Variants in IL7 observed in about 807,000 individuals in gnomAD.
The protein encoded by IL7 is interleukin-7.
A neutral mutation model predicts 21.6 loss-of-function variants in IL7; 3 were observed. The observed-to-expected ratio is 0.14, with a 90% CI of 0.06 to 0.36. IL7 has a LOEUF of 0.36. IL7 is among the 10% of genes least tolerant of loss of function. The pLI, the probability that IL7 is intolerant of heterozygous loss-of-function variation, is 1.00. For missense variants in IL7, 175 were observed against 200.2 expected (o/e 0.87, Z 0.76); for synonymous variants, 62 against 68.1 (o/e 0.91, Z 0.44).
chr8:78,791,827 T>C (rs1011712202), intron 2 of IL7, among the ~76,000 whole-genome samples: 9 of 152,132 alleles, frequency 5.9e-5, no homozygotes, highest in African/African-American at 2.2e-4. Context: ...CACTGGACCA[T>C]ACTTACTAGT....
chr8:78,678,770 A>G, intron 4 of IL7: 2 of 784,928 alleles, frequency 2.5e-6, no homozygotes, highest in South Asian at 5.3e-5. Flanking sequence ...TTAAGAATAA[A>G]CACAATTATC....
At chr8:78,736,108 T>C (rs968253744) in intron 5 of IL7, among the ~76,000 whole-genome samples, 3 of 151,624 alleles carry the variant, frequency 2.0e-5, no homozygotes, top group Non-Finnish European at 4.4e-5. Flanking sequence ...TTTATTTCTT[T>C]ACAAACTAAC....
chr8:78,752,151 A>G (rs1812195109), intron 2 of IL7, among the ~76,000 whole-genome samples: 1 of 152,170 alleles, frequency 6.6e-6, no homozygotes, highest in Non-Finnish European at 1.5e-5. Context: ...TATATATACT[A>G]CATTTTCTTC....
chr8:78,804,094 C>T (rs1262624837), intron 1 of IL7, among the ~76,000 whole-genome samples: 1 of 151,992 alleles, frequency 6.6e-6, no homozygotes, highest in Admixed American at 6.5e-5. Context: ...TTTTTTGGCT[C>T]TTTCATTGGT....
chr8:78,736,127 C>CT (rs1009032322), intron 5 of IL7, among the ~76,000 whole-genome samples: 1 of 150,808 alleles, frequency 6.6e-6, no homozygotes, highest in African/African-American at 2.4e-5. Context: ...ACAGGGATGG[C>CT]TTTTTTTCTT....
intron 3 of IL7, among the ~76,000 whole-genome samples, chr8:78,708,539 C>A (rs1249774834): frequency 6.6e-6 from 1 of 151,802 alleles, no homozygotes; most frequent in Non-Finnish European, 1.5e-5. Flanking sequence ...CAAAAACAAC[C>A]TTTTTAAACC....
intron 4 of IL7, among the ~76,000 whole-genome samples, chr8:78,684,696 G>A (rs1264500440): frequency 6.6e-6 from 1 of 152,098 alleles, no homozygotes; most frequent in East Asian, 1.9e-4. Flanking sequence ...AAATAACTAA[G>A]CTTCATATAC....
At chr8:78,743,642 A>T (rs531499853) in intron 2 of IL7, among the ~76,000 whole-genome samples, 5 of 152,232 alleles carry the variant, frequency 3.3e-5, no homozygotes, top group African/African-American at 1.2e-4. Flanking sequence ...GTACTTCTCT[A>T]TACTGGCTAT....
chr8:78,783,523 G>T (rs188582136), intron 2 of IL7, among the ~76,000 whole-genome samples: 3 of 152,090 alleles, frequency 2.0e-5, no homozygotes, highest in Non-Finnish European at 4.4e-5. Flanking sequence ...CTGCAACTGT[G>T]TCTAGTCAGC....
intron 4 of IL7, chr8:78,678,703 G>A: frequency 1.3e-6 from 2 of 1,526,826 alleles, no homozygotes; most frequent in Non-Finnish European, 8.9e-7. Flanking sequence ...CTTTTGAACA[G>A]TATGAACTTT....
At chr8:78,705,361 C>T (rs185493910) in intron 3 of IL7, among the ~76,000 whole-genome samples, 29 of 152,296 alleles carry the variant, frequency 1.9e-4, no homozygotes, top group African/African-American at 7.0e-4. Context: ...GTGTCCACTC[C>T]AGTCACTAGT....
chr8:78,762,343 AG>A (rs1427400110), intron 2 of IL7: 2 of 1,611,560 alleles, frequency 1.2e-6, no homozygotes, highest in African/African-American at 2.7e-5. Flanking sequence ...GGCATCTGGC[AG>A]GGTCCCGCGG....
intron 5 of IL7, among the ~76,000 whole-genome samples, chr8:78,734,794 AT>A (rs1811516799): frequency 1.3e-5 from 2 of 152,148 alleles, no homozygotes; most frequent in South Asian, 4.1e-4. Context: ...ACTTCATTTT[AT>A]TTGCTTAATC....
rs369984162 is a variant in IL7, at chr8:78,770,401, C to T, written c.147+27671G>A. ...GGCTAACCTAATTGTATCCTTTTGT[C>T]GACATGTTTCCCCTCTCTTACTGGA... On this transcript the variant is annotated intron_variant, in intron 2 of 5. Transcript: ENST00000263851. Among the ~76,000 whole-genome samples, 14 of 152,090 alleles carry T rather than the reference C, an allele frequency of 9.2e-5. No homozygotes were observed. In the East Asian group the frequency reaches 9.7e-4, roughly 11 times the overall value.
chr8:78,786,171 G>A (rs138604145), intron 2 of IL7, among the ~76,000 whole-genome samples: 256 of 152,072 alleles, frequency 1.7e-3, no homozygotes, highest in African/African-American at 5.5e-3. Context: ...TTTCATCATC[G>A]CACAAACATC....
downstream of IL7, among the ~76,000 whole-genome samples, chr8:78,728,082 A>G (rs1271059963): frequency 6.6e-6 from 1 of 152,066 alleles, no homozygotes; most frequent in Non-Finnish European, 1.5e-5. Context: ...GTTGTAGAAT[A>G]TGTATGCTGA....
chr8:78,679,696 T>A (rs2130449235), intron 4 of IL7, among the ~76,000 whole-genome samples: 1 of 152,294 alleles, frequency 6.6e-6, no homozygotes, highest in South Asian at 2.1e-4. Flanking sequence ...ATAGGTTTTT[T>A]AAACAGAATC....
intron 2 of IL7, among the ~76,000 whole-genome samples, chr8:78,742,157 C>CAAA (rs35093575): frequency 8.1e-6 from 1 of 123,580 alleles, no homozygotes; most frequent in Non-Finnish European, 1.8e-5. Flanking sequence ...ACTAAAAATA[C>CAAA]AAAAAAAAAA....
chr8:78,738,770 TA>T, intron 3 of IL7, 135 bp from the exon 4 acceptor site: 1 of 701,166 alleles, frequency 1.4e-6, no homozygotes, highest in Non-Finnish European at 2.3e-6. Context: ...CTATTCCAGT[TA>T]ATCATGTGAT....
Sources: gnomAD v4.1 joint callset for allele counts (sites outside exome capture counted in the v4.1 genomes callset) on GRCh38, gnomAD v4.1.1 for gene constraint, MANE v1.5 for transcripts, NCBI Gene and HGNC (gene_info 2026-07-23, HGNC 2026-07-21) for gene names.